OR11A1: variants seen among roughly 807,000 people sequenced by gnomAD.
The protein encoded by OR11A1 is olfactory receptor family 11 subfamily A member 1, also known as olfactory receptor 11A1.
For synonymous variants in OR11A1, 158 were observed against 152.2 expected (o/e 1.04, Z -0.28); for missense variants, 380 against 378.2 (o/e 1.00, Z -0.04).
chr6:29,454,739 G>A (rs115047029), intron 1 of OR11A1, among the ~76,000 whole-genome samples: 4,584 of 152,132 alleles, frequency 0.03, 156 homozygotes, highest in African/African-American at 0.091. Context: ...AGAAAGTGCA[G>A]AAATAGAGCC....
intron 1 of OR11A1, chr6:29,440,471 G>T: frequency 1.2e-6 from 2 of 1,613,884 alleles, no homozygotes; most frequent in Non-Finnish European, 8.5e-7. Flanking sequence ...CCTGTGGGGT[G>T]CTGGTGGGGC....
chr6:29,436,879 T>C (rs1333774958), intron 1 of OR11A1, among the ~76,000 whole-genome samples: 2 of 152,218 alleles, frequency 1.3e-5, no homozygotes, highest in Non-Finnish European at 2.9e-5. Flanking sequence ...TGGCCCGCAA[T>C]CCTCTTCTCT....
chr6:29,429,652 A>G (rs1783107934), intron 3 of OR11A1, among the ~76,000 whole-genome samples: 1 of 152,206 alleles, frequency 6.6e-6, no homozygotes, highest in East Asian at 1.9e-4. Flanking sequence ...TAAAAGGAAA[A>G]CCATGAGTAC....
intron 4 of OR11A1, 69 bp from the exon 5 acceptor site, chr6:29,427,801 A>G: frequency 2.6e-6 from 3 of 1,150,224 alleles, no homozygotes; most frequent in Non-Finnish European, 3.6e-6. Flanking sequence ...GCAAGTCTTC[A>G]ACTATCCCCC....
At chr6:29,435,153 G>C (rs1273650925) in intron 1 of OR11A1, among the ~76,000 whole-genome samples, 1 of 152,238 alleles carries the variant, frequency 6.6e-6, no homozygotes, top group African/African-American at 2.4e-5. Flanking sequence ...ACAGGGGACA[G>C]TGGTTGCTGT....
At chr6:29,427,837 C>T in intron 4 of OR11A1, 105 bp from the exon 5 acceptor site, 1 of 818,454 alleles carries the variant, frequency 1.2e-6, no homozygotes, top group South Asian at 2.1e-5. Flanking sequence ...CCTTCCTCAA[C>T]TCTCATCCTT....
At chr6:29,427,805 A>T in intron 4 of OR11A1, 73 bp from the exon 5 acceptor site, 1 of 1,124,780 alleles carries the variant, frequency 8.9e-7, no homozygotes, top group Non-Finnish European at 1.2e-6. Context: ...GTCTTCAACT[A>T]TCCCCCTTCT....
chr6:29,430,270 C>T, intron 3 of OR11A1, 31 bp downstream of exon 3: 1 of 985,386 alleles, frequency 1.0e-6, no homozygotes, highest in Non-Finnish European at 1.2e-6. Context: ...TTATTGCCCT[C>T]CAACTCCCGT....
chr6:29,442,291 G>A (rs1784272744), intron 1 of OR11A1, among the ~76,000 whole-genome samples: 1 of 152,116 alleles, frequency 6.6e-6, no homozygotes, highest in Non-Finnish European at 1.5e-5. Context: ...ACCAAGACAC[G>A]GAAGAGCAAA....
chr6:29,440,671 G>GTCT (rs780093332), intron 1 of OR11A1: 2 of 1,613,972 alleles, frequency 1.2e-6, no homozygotes, highest in Admixed American at 3.3e-5. Context: ...TCCTACGGGC[G>GTCT]TATCCTCGTT....
chr6:29,440,615 G>A, intron 1 of OR11A1: 2 of 1,613,984 alleles, frequency 1.2e-6, no homozygotes, highest in Non-Finnish European at 1.7e-6. Flanking sequence ...AGATTATCCT[G>A]GCAACAGCCC....
chr6:29,447,706 C>A (rs73400907), intron 1 of OR11A1, among the ~76,000 whole-genome samples: 7,967 of 152,270 alleles, frequency 0.052, 392 homozygotes, highest in African/African-American at 0.12. Flanking sequence ...AGTTATTCTT[C>A]TGTATTATCC....
chr6:29,446,597 G>T (rs1582600559), intron 1 of OR11A1, among the ~76,000 whole-genome samples: 1 of 152,174 alleles, frequency 6.6e-6, no homozygotes, highest in Non-Finnish European at 1.5e-5. Flanking sequence ...CATATGTATG[G>T]ATATAGTTAG....
chr6:29,441,147 G>A (rs1052722436), intron 1 of OR11A1, among the ~76,000 whole-genome samples: 1 of 152,232 alleles, frequency 6.6e-6, no homozygotes, highest in Non-Finnish European at 1.5e-5. Flanking sequence ...ATTCTATTCC[G>A]CTTTCTGTTG....
chr6:29,428,067 T>C (rs1782976771), intron 4 of OR11A1: 1 of 280,592 alleles, frequency 3.6e-6, no homozygotes, highest in African/African-American at 2.3e-5. Flanking sequence ...GGCCCACAAC[T>C]GCAAACTCTT....
intron 1 of OR11A1, among the ~76,000 whole-genome samples, chr6:29,455,874 CAAAAAAAA>C (rs9256960): frequency 1.7e-4 from 14 of 81,016 alleles, no homozygotes; most frequent in African/African-American, 7.3e-4. Flanking sequence ...AGACTTGTCT[CAAAAAAAA>C]AAAAAAAAAA....
chr6:29,439,216 C>T (rs112490646), intron 1 of OR11A1: 77 of 152,220 alleles, frequency 5.1e-4, no homozygotes, highest in African/African-American at 1.8e-3. Flanking sequence ...TATAATTTGA[C>T]AGTGTGTGAA....
intron 2 of OR11A1, 33 bp from the exon 3 acceptor site, chr6:29,430,458 CAAG>C (rs1295653228): frequency 1.6e-5 from 16 of 984,704 alleles, no homozygotes; most frequent in Non-Finnish European, 1.9e-5. Flanking sequence ...GTAAATCAGG[CAAG>C]AATACCTCTA....
chr6:29,450,846 A>T lies in OR11A1; in HGVS notation c.-389+6141T>A, dbSNP rs114496013. Among the ~76,000 whole-genome samples the T allele has an allele frequency of 8.3e-3, 1,265 of 152,366 alleles. 18 individuals are homozygous for T. The highest frequency in any genetic ancestry group is 0.027 in the African/African-American group (1,137 of 41,590). On this transcript the variant is annotated intron_variant, in intron 1 of 4. Transcript: ENST00000377149. ...TTAAACTACCCATGACATTTTTCAC[A>T]GAACTAGAAACAACTATTCTAAAAT...
Sources: allele counts gnomAD v4.1 joint callset (sites outside exome capture counted in the v4.1 genomes callset), GRCh38; gene constraint gnomAD v4.1.1; transcripts MANE v1.5; gene names NCBI Gene and HGNC (gene_info 2026-07-23, HGNC 2026-07-21).